DAP: variants seen among roughly 807,000 people sequenced by gnomAD.
DAP encodes the protein death-associated protein 1.
Under a neutral mutation model 13.8 loss-of-function variants are expected in DAP, and 8 were observed. That is an observed-to-expected ratio of 0.58 (90% CI 0.34 to 1.05). DAP has a LOEUF of 1.05. DAP is among the 50% of genes least tolerant of loss of function. The pLI, the probability that DAP is intolerant of heterozygous loss-of-function variation, is 0.03. For synonymous variants in DAP, 47 were observed against 47.5 expected, an observed-to-expected ratio of 0.99 and a Z score of 0.04; for missense variants, 106 against 133.2, an observed-to-expected ratio of 0.80 and a Z score of 1.01.
intron 1 of DAP, among the ~76,000 whole-genome samples, chr5:10,760,155 G>A (rs900053320): frequency 6.6e-6 from 1 of 152,186 alleles, no homozygotes; most frequent in African/African-American, 2.4e-5. Context: ...ATGACACTAA[G>A]GCGTGCTATT....
At chr5:10,714,456 T>C (rs1213354522) in intron 2 of DAP, among the ~76,000 whole-genome samples, 4 of 152,292 alleles carry the variant, frequency 2.6e-5, no homozygotes, top group African/African-American at 7.2e-5. Flanking sequence ...TGTTATTAAA[T>C]CTTAAAAAAA....
intron 2 of DAP, among the ~76,000 whole-genome samples, chr5:10,712,768 G>C (rs536179755): frequency 6.6e-6 from 1 of 152,348 alleles, no homozygotes; most frequent in African/African-American, 2.4e-5. Context: ...AATGCCCTTA[G>C]CTTCTCAGGG....
At chr5:10,708,093 G>A (rs1477370356) in intron 2 of DAP, among the ~76,000 whole-genome samples, 1 of 152,198 alleles carries the variant, frequency 6.6e-6, no homozygotes, top group Non-Finnish European at 1.5e-5. Context: ...GGCATATGCT[G>A]TCAGAGCAGA....
At position 10,680,888 on chromosome 5, in the gene DAP, C is replaced by A; in HGVS notation, c.*168G>T. ...CCCATAAACAAGGTTTGGGCTGGAG[C>A]TGTTTCTAGTTTTAAATATGGAAAT... On this transcript the variant is annotated 3_prime_UTR_variant, in exon 4 of 4. Coordinates refer to ENST00000230895, the MANE Select transcript of DAP (RefSeq NM_004394.3). The A allele has an allele frequency of 6.5e-7, 1 of 1,537,090 alleles. No individual in the cohort carries two copies. The highest frequency in any genetic ancestry group is 8.7e-7 in the Non-Finnish European group (1 of 1,146,998).
chr5:10,718,667 G>A (rs1201209176), intron 2 of DAP, among the ~76,000 whole-genome samples: 1 of 152,198 alleles, frequency 6.6e-6, no homozygotes, highest in East Asian at 1.9e-4. Context: ...GTGACTCTAA[G>A]TGCAGCTGCT....
intron 2 of DAP, among the ~76,000 whole-genome samples, chr5:10,727,313 G>A (rs1739313480): frequency 6.6e-6 from 1 of 152,166 alleles, no homozygotes; most frequent in African/African-American, 2.4e-5. Flanking sequence ...ACAGTGTCAT[G>A]AGAGGGGAAG....
At chr5:10,695,865 ATTT>A (rs542051940) in intron 2 of DAP, among the ~76,000 whole-genome samples, 1 of 142,310 alleles carries the variant, frequency 7.0e-6, no homozygotes, top group African/African-American at 2.6e-5. Flanking sequence ...CTTCACAGAG[ATTT>A]TTTTTTTTTT....
At chr5:10,733,109 G>A (rs148897896) in intron 2 of DAP, among the ~76,000 whole-genome samples, 6 of 151,822 alleles carry the variant, frequency 4.0e-5, no homozygotes, top group African/African-American at 1.4e-4. Flanking sequence ...CCCATGACGT[G>A]GCATATGACA....
chr5:10,695,499 A>G (rs901683668), intron 2 of DAP, among the ~76,000 whole-genome samples: 1 of 152,240 alleles, frequency 6.6e-6, no homozygotes, highest in Non-Finnish European at 1.5e-5. Context: ...AATTTATAAC[A>G]TTTTTCAAAA....
chr5:10,710,626 C>G (rs941225140), intron 2 of DAP, among the ~76,000 whole-genome samples: 1 of 152,132 alleles, frequency 6.6e-6, no homozygotes, highest in Admixed American at 6.5e-5. Flanking sequence ...AATGGACGGG[C>G]TGGTGGGAAG....
At chr5:10,712,511 C>T (rs1170115337) in intron 2 of DAP, among the ~76,000 whole-genome samples, 2 of 152,030 alleles carry the variant, frequency 1.3e-5, no homozygotes, top group South Asian at 2.1e-4. Flanking sequence ...AGGAGAGGTG[C>T]AGAGGAGGAC....
intron 1 of DAP, among the ~76,000 whole-genome samples, chr5:10,749,890 G>A (rs562655151): frequency 2.1e-4 from 32 of 152,100 alleles, no homozygotes; most frequent in African/African-American, 5.8e-4. Flanking sequence ...GTTTGGGGTC[G>A]GCACGTTCCT....
chr5:10,700,887 C>A (rs953047937), intron 2 of DAP, among the ~76,000 whole-genome samples: 1 of 152,236 alleles, frequency 6.6e-6, no homozygotes, highest in South Asian at 2.1e-4. Context: ...TTATCTCAAA[C>A]CAGAATACAT....
At chr5:10,683,738 C>T (rs764345542) in intron 2 of DAP, among the ~76,000 whole-genome samples, 167 bp from the exon 3 acceptor site, 1 of 152,182 alleles carries the variant, frequency 6.6e-6, no homozygotes. Flanking sequence ...CTACGGGGCT[C>T]GGGAGCCTCC....
At chr5:10,719,101 A>G (rs1237183598) in intron 2 of DAP, among the ~76,000 whole-genome samples, 1 of 152,236 alleles carries the variant, frequency 6.6e-6, no homozygotes, top group Non-Finnish European at 1.5e-5. Flanking sequence ...AGTGGTGTAC[A>G]GCCTGTCAAG....
chr5:10,679,440 T>G lies in DAP; in HGVS notation c.*1616A>C, dbSNP rs1057132435. On this transcript the variant is annotated 3_prime_UTR_variant, in exon 4 of 4. Transcript: ENST00000230895. ...GAGAAGCATTAAGGATGCTTCTGGA[T>G]TTCTGCAGCGGCAGGGCAGGGGTCT... 10 of 152,340 alleles carry G rather than the reference T, an allele frequency of 6.6e-5. No homozygotes were observed. Among genetic ancestry groups the G allele is most frequent in the Admixed American group, 2.6e-4 (4 of 15,286 alleles). 9.4% of individuals were successfully genotyped at this position (152,340 alleles called of 1,614,324 possible).
chr5:10,718,187 G>C (rs185890642), intron 2 of DAP, among the ~76,000 whole-genome samples: 2 of 152,198 alleles, frequency 1.3e-5, no homozygotes, highest in African/African-American at 4.8e-5. Context: ...CTGAGCTGAC[G>C]TTGATTCCAG....
At chr5:10,686,517 A>G (rs1029520228) in intron 2 of DAP, among the ~76,000 whole-genome samples, 11 of 152,216 alleles carry the variant, frequency 7.2e-5, no homozygotes, top group Admixed American at 5.9e-4. Context: ...ACAAGGAAGT[A>G]AAAGAGCATT....
At chr5:10,730,160 C>T (rs1319308377) in intron 2 of DAP, among the ~76,000 whole-genome samples, 2 of 152,220 alleles carry the variant, frequency 1.3e-5, no homozygotes, top group Non-Finnish European at 2.9e-5. Context: ...TCTGTTGTTC[C>T]CAGTGGCATG....
Sources: allele counts gnomAD v4.1 joint callset (sites outside exome capture counted in the v4.1 genomes callset), GRCh38; gene constraint gnomAD v4.1.1; transcripts MANE v1.5; gene names NCBI Gene and HGNC (gene_info 2026-07-23, HGNC 2026-07-21).